The following GLYR1 variants were observed in gnomAD, a reference collection of about 807,000 sequenced individuals.
The protein encoded by GLYR1 is cytokine-like nuclear factor N-PAC.
A neutral mutation model predicts 72.7 loss-of-function variants in GLYR1; 21 were observed. That is an observed-to-expected ratio of 0.29 (90% CI 0.20 to 0.42). The LOEUF is 0.42. Ranked by LOEUF, GLYR1 falls within the 10% of genes least tolerant of loss-of-function variation. The pLI is 1.00. For missense variants in GLYR1, 594 were observed against 712.1 expected, an observed-to-expected ratio of 0.83 and a Z score of 1.89; for synonymous variants, 392 against 270.2, an observed-to-expected ratio of 1.45 and a Z score of -4.42.
intron 5 of GLYR1, among the ~76,000 whole-genome samples, chr16:4,826,240 G>A (rs2141999286): frequency 6.6e-6 from 1 of 152,232 alleles, no homozygotes; most frequent in East Asian, 1.9e-4. Flanking sequence ...TTTTGTAGAT[G>A]TATTATTTAT....
chr16:4,847,219 C>G lies in GLYR1; in HGVS notation c.38+9G>C, dbSNP rs777300044. ...GCGCGTCTCGGTTGGCCCGGCCGCT[C>G]GGACTCACCACACCAAGTCGCCGAG... On this transcript the variant is annotated intron_variant, in intron 1 of 15. Coordinates refer to ENST00000321919, the MANE Select transcript of GLYR1 (RefSeq NM_032569.4). The G allele has an allele frequency of 2.5e-6, 4 of 1,603,904 alleles. No individual in the cohort carries two copies. In the East Asian group the frequency reaches 9.0e-5, roughly 36 times the overall value.
At chr16:4,824,596 G>C (rs2084261616) in intron 5 of GLYR1, among the ~76,000 whole-genome samples, 1 of 151,916 alleles carries the variant, frequency 6.6e-6, no homozygotes, top group South Asian at 2.1e-4. Context: ...GGGCTGATGA[G>C]ATCTGCCCAC....
rs751683674 is a variant in GLYR1 at position 4,847,275 on chromosome 16, C to G, written c.-10G>C. On this transcript the variant is annotated 5_prime_UTR_variant, in exon 1 of 16. Coordinates refer to ENST00000321919, the MANE Select transcript of GLYR1 (RefSeq NM_032569.4). ...GACTCACAGCCGCCATCTTACCACCCAACCACCGCCGACGCACGGGCCGCC... is the reference window on the plus strand; with the variant it reads ...GACTCACAGCCGCCATCTTACCACCGAACCACCGCCGACGCACGGGCCGCC... The G allele has an allele frequency of 1.2e-6, 2 of 1,610,072 alleles. No homozygotes were observed. The highest frequency in any genetic ancestry group is 8.5e-7 in the Non-Finnish European group (1 of 1,179,008).
intron 7 of GLYR1, among the ~76,000 whole-genome samples, chr16:4,822,101 T>TTTTTGTGTTATCTATTTACCTA (rs140539455): frequency 6.6e-6 from 1 of 152,190 alleles, no homozygotes; most frequent in African/African-American, 2.4e-5. Flanking sequence ...TTAAATGCTC[T>TTTTTGTGTTATCTATTTACCTA]TCTGAGATAG....
At chr16:4,825,873 C>T (rs903154276) in intron 5 of GLYR1, among the ~76,000 whole-genome samples, 2 of 152,032 alleles carry the variant, frequency 1.3e-5, no homozygotes, top group African/African-American at 4.8e-5. Flanking sequence ...AGGATGGTCT[C>T]GATCTCCTGA....
At chr16:4,831,779 T>C (rs2084816400) in intron 5 of GLYR1, among the ~76,000 whole-genome samples, 200 bp downstream of exon 5, 1 of 152,204 alleles carries the variant, frequency 6.6e-6, no homozygotes, top group African/African-American at 2.4e-5. Context: ...CAAGCCATCT[T>C]CCTGACTCAG....
intron 15 of GLYR1, among the ~76,000 whole-genome samples, chr16:4,807,100 C>T (rs985777045): frequency 8.1e-5 from 12 of 147,740 alleles, no homozygotes; most frequent in Non-Finnish European, 1.5e-4. Context: ...GCCACTGCGC[C>T]TGGCCCCTTT....
chr16:4,827,997 G>A (rs936697908), intron 5 of GLYR1, among the ~76,000 whole-genome samples: 1 of 152,042 alleles, frequency 6.6e-6, no homozygotes, highest in South Asian at 2.1e-4. Context: ...TTTCCCAACA[G>A]CATGTGTTCA....
intron 13 of GLYR1, 80 bp from the exon 14 acceptor site, chr16:4,811,882 G>A (rs2083340953): frequency 1.3e-6 from 2 of 1,501,588 alleles, no homozygotes; most frequent in South Asian, 1.3e-5. Context: ...CCTCTGCTCA[G>A]ACCCACCTCT....
chr16:4,823,439 G>C (rs937434490), intron 6 of GLYR1, among the ~76,000 whole-genome samples: 1 of 152,100 alleles, frequency 6.6e-6, no homozygotes, highest in Non-Finnish European at 1.5e-5. Context: ...CCGCACCAAG[G>C]ATAATAAAAC....
At chr16:4,822,728 C>T (rs1390835109) in intron 7 of GLYR1, 147 bp downstream of exon 7, 12 of 673,278 alleles carry the variant, frequency 1.8e-5, no homozygotes, top group Middle Eastern at 2.6e-4. Flanking sequence ...GGCTCATTAG[C>T]GGGCCCATAT....
chr16:4,821,807 A>G (rs1297477229), intron 7 of GLYR1: 3 of 616,750 alleles, frequency 4.9e-6, no homozygotes, highest in Non-Finnish European at 8.6e-6. Flanking sequence ...TTTGCTGACC[A>G]TGGTGTTGAG....
At chr16:4,841,960 G>A (rs1043842826) in intron 3 of GLYR1, among the ~76,000 whole-genome samples, 6 of 152,136 alleles carry the variant, frequency 3.9e-5, no homozygotes, top group Non-Finnish European at 8.8e-5. Context: ...TCCCATCTCT[G>A]GCTGAGTGCG....
rs574881320 is a variant in GLYR1 at position 4,846,280 on chromosome 16, C to A, written c.39-70G>T. 91 of 1,513,758 alleles carry A rather than the reference C, an allele frequency of 6.0e-5. No individual in the cohort carries two copies. The African/African-American group carries it at 9.5e-4, about 16-fold the overall frequency. The allele number at this position is 1,513,758 out of a possible 1,614,324, so 93.8% of individuals were successfully genotyped here. On this transcript the variant is annotated intron_variant, in intron 1 of 15. Coordinates refer to ENST00000321919, the MANE Select transcript of GLYR1 (RefSeq NM_032569.4). ...TCCATCTCCTTCAACCCACTCAATA[C>A]GCAATTTATTTTCCTAAATCTCTGC...
Position 4,821,020 on chromosome 16 carries a change from C to A in GLYR1, c.806+360G>T, listed in dbSNP as rs916371809. Among the ~76,000 whole-genome samples the A allele has an allele frequency of 1.6e-4, 25 of 152,250 alleles. 1 individual carries two copies. The highest frequency in any genetic ancestry group is 6.0e-4 in the African/African-American group (25 of 41,462). On this transcript the variant is annotated intron_variant, in intron 9 of 15. Transcript: ENST00000321919. Reference sequence around the variant, plus strand: ...GCTCTGACCAGCAGCAGCAGTATACCTGGGAACTGGTTAAAAATACAAATT... The same window carrying A: ...GCTCTGACCAGCAGCAGCAGTATACATGGGAACTGGTTAAAAATACAAATT...
chr16:4,838,039 T>G (rs1718719186), intron 3 of GLYR1, among the ~76,000 whole-genome samples: 1 of 151,952 alleles, frequency 6.6e-6, no homozygotes, highest in Non-Finnish European at 1.5e-5. Flanking sequence ...TGCTTCTCCA[T>G]TTGGATTTGG....
Position 4,832,073 on chromosome 16 carries a change from G to T in GLYR1, c.443C>A (p.Ser148Tyr). 6.2e-7 allele frequency: 1 copy of T among 1,614,202 alleles called. No homozygotes were observed. The highest frequency in any genetic ancestry group is 1.3e-5 in the African/African-American group (1 of 75,058). ...KNMGEGKKRV[S>Y]SGSSERGSKS... Reference sequence around the variant, plus strand: ...GGAGCCTCTCTCTGAAGAGCCTGAAGACACCCTCTTCTTTCCTTCTCCCAT... The same window carrying T: ...GGAGCCTCTCTCTGAAGAGCCTGAATACACCCTCTTCTTTCCTTCTCCCAT... The change falls in exon 5 of 16, where the codon TCT becomes TAT. Residue 148 changes from serine (S) to tyrosine (Y), a missense_variant. Ser to Tyr is a moderately radical substitution (Grantham distance 144). Around this residue, in one of 5 missense-constraint regions of GLYR1, gnomAD observed 252 missense variants for 211.3 expected, o/e 1.19. Coordinates refer to ENST00000321919, the MANE Select transcript of GLYR1 (RefSeq NM_032569.4).
In GLYR1 at chr16:4,821,300, A is replaced by T. The variant is rs115180443; in HGVS notation, c.806+80T>A. The T allele has an allele frequency of 4.9e-4, 714 of 1,445,710 alleles. 2 individuals are homozygous for T. The African/African-American group carries it at 8.8e-3, about 18-fold the overall frequency. The allele number at this position is 1,445,710 out of a possible 1,614,324, so 89.6% of individuals were successfully genotyped here. ...CAGCAATGGCTGGGACACAACCCTT[A>T]AAGAACCCCCCTGGGGTCACCTTCT... is the stretch of plus-strand genomic sequence containing the variant. On this transcript the variant is annotated intron_variant, in intron 9 of 15. Transcript: ENST00000321919.
intron 8 of GLYR1, 24 bp from the exon 9 acceptor site, chr16:4,821,477 T>A (rs1480257974): frequency 6.2e-7 from 1 of 1,614,016 alleles, no homozygotes; most frequent in Non-Finnish European, 8.5e-7. Flanking sequence ...GCACACATCA[T>A]CAAGTCAGTC....
Sources: gnomAD v4.1 joint callset for allele counts (sites outside exome capture counted in the v4.1 genomes callset) on GRCh38, gnomAD v4.1.1 for gene constraint, gnomAD v4.1.1 regional missense constraint, MANE v1.5 for transcripts, NCBI Gene and HGNC (gene_info 2026-07-23, HGNC 2026-07-21) for gene names.